Variants in FRS3 observed in about 807,000 individuals in gnomAD.
The protein encoded by FRS3 is fibroblast growth factor receptor substrate 3.
In FRS3, 17 loss-of-function variants were observed where a neutral mutation model predicts 41.9. The observed-to-expected ratio is 0.41, with a 90% CI of 0.28 to 0.61. The LOEUF is 0.61. Ranked by LOEUF, FRS3 falls within the 20% of genes least tolerant of loss-of-function variation. FRS3 has a pLI of 0.36. For missense variants in FRS3, 619 were observed against 672.1 expected, an observed-to-expected ratio of 0.92 and a Z score of 0.87; for synonymous variants, 287 against 274.5, an observed-to-expected ratio of 1.05 and a Z score of -0.45.
At chr6:41,779,340 G>A (rs1470697414) in intron 1 of FRS3, among the ~76,000 whole-genome samples, 2 of 151,930 alleles carry the variant, frequency 1.3e-5, no homozygotes, top group Admixed American at 1.3e-4. Flanking sequence ...GTATGAGGAC[G>A]TTTGGGGAAA....
In FRS3 at chr6:41,770,730, G is replaced by C. The variant is rs201021700; in HGVS notation, c.1368C>G (p.Ala456=). 41 of 1,613,926 alleles carry C rather than the reference G, an allele frequency of 2.5e-5. No individual in the cohort carries two copies. In the African/African-American group the frequency reaches 5.3e-4, roughly 21 times the overall value. ...CCACGGTCTTTTTGAGGTCAATCAC[G>C]GCGTAGGAGTCTGAGCTTCGGGCAG... ...THPARSSDSY[A]VIDLKKTVAM... is the part of the protein sequence containing the mutation. The change falls in exon 7 of 7, where the codon GCC becomes GCG. Residue 456 remains alanine (A), a synonymous_variant. Coordinates refer to ENST00000373018, the MANE Select transcript of FRS3 (RefSeq NM_006653.5).
intron 3 of FRS3, chr6:41,776,633 A>G (rs1386958128): frequency 5.5e-6 from 2 of 362,960 alleles, no homozygotes; most frequent in Non-Finnish European, 1.0e-5. Flanking sequence ...CTAAAAAAAA[A>G]AGGGGGGGGG....
intron 3 of FRS3, 69 bp from the exon 4 acceptor site, chr6:41,775,674 T>C: frequency 1.7e-6 from 2 of 1,160,284 alleles, no homozygotes; most frequent in South Asian, 1.3e-5. Context: ...CCTGAGCCAC[T>C]GGGAGACAAT....
chr6:41,776,803 C>A (rs1356766208), intron 3 of FRS3, 119 bp downstream of exon 3: 5 of 863,622 alleles, frequency 5.8e-6, no homozygotes. Flanking sequence ...TCTCCATAAG[C>A]CCACAACCTC....
chr6:41,770,592 C>A lies in FRS3; in HGVS notation c.*27G>T. Reference sequence around the variant, plus strand: ...AGGCAGAGGCTGGATCATGGTGGGGCAGAGGGTGGTGAGGACCGGGAAGTC... The same window carrying A: ...AGGCAGAGGCTGGATCATGGTGGGGAAGAGGGTGGTGAGGACCGGGAAGTC... On this transcript the variant is annotated 3_prime_UTR_variant, in exon 7 of 7. Transcript: ENST00000373018. 6.2e-7 allele frequency: 1 copy of A among 1,609,266 alleles called. No individual in the cohort carries two copies.
intron 1 of FRS3, among the ~76,000 whole-genome samples, chr6:41,779,390 C>G (rs1404806939): frequency 6.6e-6 from 1 of 151,616 alleles, no homozygotes; most frequent in Non-Finnish European, 1.5e-5. Flanking sequence ...TTGGATAGTG[C>G]AAGGAGAATG....
At chr6:41,775,640 G>A (rs375226871) in intron 3 of FRS3, 35 bp from the exon 4 acceptor site, 302 of 1,535,770 alleles carry the variant, frequency 2.0e-4, no homozygotes, top group Non-Finnish European at 2.6e-4. Flanking sequence ...CAATGAGTGA[G>A]TCCAACAAGT....
In FRS3 at chr6:41,771,054, G is replaced by GTCCCCATCA; in HGVS notation, c.1035_1043dup (p.Asp346_Asp348dup). On this transcript the variant is annotated inframe_insertion, in exon 7 of 7. Coordinates refer to ENST00000373018, the MANE Select transcript of FRS3 (RefSeq NM_006653.5). ...AAGAGGGTGTGAGCCCATCCCTCGA[G>GTCCCCATCA]TCCCCATCATCCCCAGCCTCCCCTC... 1 of 1,608,288 alleles carries GTCCCCATCA rather than the reference G, an allele frequency of 6.2e-7. No individual in the cohort carries two copies. The highest frequency in any genetic ancestry group is 8.5e-7 in the Non-Finnish European group (1 of 1,175,884).
intron 3 of FRS3, 147 bp downstream of exon 3, chr6:41,776,775 G>A (rs778349345): frequency 5.7e-6 from 4 of 702,624 alleles, no homozygotes; most frequent in Non-Finnish European, 7.8e-6. Context: ...CTACTTGAGA[G>A]GGTGTGAGCT....
chr6:41,771,650 T>C (rs963433457), intron 6 of FRS3, 117 bp from the exon 7 acceptor site: 2 of 1,164,756 alleles, frequency 1.7e-6, no homozygotes, highest in African/African-American at 3.1e-5. Context: ...TCTTCTTCCT[T>C]GTCCTCCAAC....
At chr6:41,772,540 CAA>C (rs1772322106) in intron 5 of FRS3, among the ~76,000 whole-genome samples, 1 of 152,152 alleles carries the variant, frequency 6.6e-6, no homozygotes, top group Non-Finnish European at 1.5e-5. Flanking sequence ...TACGGAAACC[CAA>C]AGTCTTCCTG....
At position 41,772,843 on chromosome 6, in the gene FRS3, G is replaced by A; in HGVS notation, c.370C>T (p.His124Tyr). 1 of 1,613,586 alleles carries A rather than the reference G, an allele frequency of 6.2e-7. No individual in the cohort carries two copies. Among genetic ancestry groups the A allele is most frequent in the Non-Finnish European group, 8.5e-7 (1 of 1,179,926 alleles). The part of the protein sequence containing the change: ...EEPVIITRNS[H>Y]PAELDLPRAP... ...CGAGGGAGGTCAAGCTCAGCGGGGT[G>A]GCTATTGCGGGTGATGATGACAGGC... Residue 124 changes from histidine (H) to tyrosine (Y), a missense_variant, in exon 5 of 7, where the codon CAC (histidine) becomes TAC (tyrosine). By Grantham distance (83) the His-to-Tyr change is moderately conservative (BLOSUM62 2). This residue lies in a region of FRS3 where 487 missense variants were observed against 478.3 expected (regional missense o/e 1.02). Transcript: ENST00000373018.
Position 41,771,904 on chromosome 6 carries a change from G to A in FRS3, c.476C>T (p.Ser159Leu), listed in dbSNP as rs141362880. The A allele has an allele frequency of 2.0e-3, 3,124 of 1,557,380 alleles. 98 individuals carry two copies. The Admixed American group carries it at 0.056, about 28-fold the overall frequency. The change falls in exon 6 of 7, where the codon TCA (serine) becomes TTA (leucine). Residue 159 changes from serine to leucine, a missense_variant. Coordinates refer to ENST00000373018, the MANE Select transcript of FRS3 (RefSeq NM_006653.5). ...GCTTGTCGAGAGCCGCCGGGGAGCT[G>A]AGAATCGTGGGCCCTCTCCAGGGCA... ...NGCPGEGPRFSAPRRLSTSSL... is the reference protein window; with the variant it reads ...NGCPGEGPRFLAPRRLSTSSL...
intron 1 of FRS3, among the ~76,000 whole-genome samples, chr6:41,778,422 T>A (rs1308150262): frequency 2.6e-5 from 4 of 152,182 alleles, no homozygotes; most frequent in Admixed American, 6.5e-5. Context: ...AAAGACCTTT[T>A]AAGTCACTTT....
Position 41,771,417 on chromosome 6 carries a change from G to T in FRS3, c.681C>A (p.Asp227Glu). Residue 227 changes from aspartate to glutamate, a missense_variant, in exon 7 of 7, where the codon GAC becomes GAA. Physicochemically the swap from Asp to Glu is conservative, Grantham distance 45. Transcript: ENST00000373018. Reference protein sequence around the residue: ...APFLPQARGPDQRDPQVFLQP... With the variant: ...APFLPQARGPEQRDPQVFLQP... ...GCAAGAACACCTGTGGGTCCCGTTG[G>T]TCAGGTCCCCGGGCCTGCGGGAGGA... 1 of 1,613,394 alleles carries T rather than the reference G, an allele frequency of 6.2e-7. No homozygotes were observed.
At chr6:41,777,087 G>A in intron 2 of FRS3, 77 bp from the exon 3 acceptor site, 1 of 970,834 alleles carries the variant, frequency 1.0e-6, no homozygotes, top group East Asian at 2.5e-5. Flanking sequence ...TTGGGCAGAA[G>A]CACGTCATTG....
rs1772305954 is a variant in FRS3, at chr6:41,771,899, G to A, written c.481C>T (p.Pro161Ser). ...CPGEGPRFSA[P>S]RRLSTSSLRH... The stretch of plus-strand genomic sequence containing the variant: ...AGGCTGCTTGTCGAGAGCCGCCGGG[G>A]AGCTGAGAATCGTGGGCCCTCTCCA... The change falls in exon 6 of 7, where the codon CCC becomes TCC. Residue 161 changes from proline (P) to serine (S), a missense_variant. This residue lies in a region of FRS3 where 487 missense variants were observed against 478.3 expected (regional missense o/e 1.02). Coordinates refer to ENST00000373018, the MANE Select transcript of FRS3 (RefSeq NM_006653.5). 4 of 1,556,690 alleles carry A rather than the reference G, an allele frequency of 2.6e-6. No homozygotes were observed. Among genetic ancestry groups the A allele is most frequent in the South Asian group, 2.4e-5 (2 of 84,376 alleles).
In FRS3 at chr6:41,770,967, C is replaced by G. The variant is rs1464244436; in HGVS notation, c.1131G>C (p.Arg377=). Residue 377 remains arginine (R), a synonymous_variant, in exon 7 of 7, where the codon CGG becomes CGC. Transcript: ENST00000373018. ...AGCTGCCGTGGCTGCGGATGGCGGC[C>G]CGGGTGCTGGTGGGCTTCTGCAGTG... ...ETPLQKPTST[R]AAIRSHGSFP... 1.2e-6 allele frequency: 2 copies of G among 1,612,864 alleles called. No individual in the cohort carries two copies. The highest frequency in any genetic ancestry group is 1.1e-5 in the South Asian group (1 of 91,072).
intron 4 of FRS3, among the ~76,000 whole-genome samples, chr6:41,773,468 C>T (rs1279903996): frequency 6.6e-6 from 1 of 152,132 alleles, no homozygotes; most frequent in East Asian, 1.9e-4. Flanking sequence ...GTCCAAGGTA[C>T]CCTGCCCCAG....
Sources: gnomAD v4.1 joint callset for allele counts (sites outside exome capture counted in the v4.1 genomes callset) on GRCh38, gnomAD v4.1.1 for gene constraint, gnomAD v4.1.1 regional missense constraint, MANE v1.5 for transcripts, NCBI Gene and HGNC (gene_info 2026-07-23, HGNC 2026-07-21) for gene names.